The following RTN3 variants were observed in gnomAD, a reference collection of about 807,000 sequenced individuals.
RTN3 encodes reticulon-3.
Under a neutral mutation model 77.8 loss-of-function variants are expected in RTN3, and 49 were observed. The observed-to-expected ratio is 0.63, with a 90% CI of 0.50 to 0.80. The LOEUF (loss-of-function observed/expected upper bound fraction) is 0.80, where lower values mean the gene tolerates loss of function less well. RTN3 is among the 30% of genes least tolerant of loss of function. The pLI is 0.00. For missense variants in RTN3, 1,236 were observed against 1,211.9 expected (o/e 1.02, Z -0.29); for synonymous variants, 464 against 446.9 (o/e 1.04, Z -0.48).
At chr11:63,747,105 A>G (rs1004025642) in intron 3 of RTN3, 19 of 435,530 alleles carry the variant, frequency 4.4e-5, no homozygotes, top group African/African-American at 2.6e-4. Flanking sequence ...ATATTTCTCA[A>G]TCTGGGTTGG....
chr11:63,716,979 C>CAAAA lies in RTN3; in HGVS notation c.200-1710_200-1707dup, dbSNP rs6144367. 2.9e-4 allele frequency among the ~76,000 whole-genome samples: 35 copies of CAAAA among 120,268 alleles called. 1 individual carries two copies. Among genetic ancestry groups the CAAAA allele is most frequent in the Non-Finnish European group, 3.1e-4 (19 of 61,718 alleles). The allele number at this position is 120,268 out of a possible 152,430, so 78.9% of individuals were successfully genotyped here. A position where few individuals can be genotyped will look rare whatever the true frequency, so the allele number is the denominator to read the frequency against. On this transcript the variant is annotated intron_variant, in intron 2 of 8. Transcript: ENST00000377819. ...GCAAGACTCCGTCTCAAAAAAAAAA[C>CAAAA]AAAAAAAAAAAAAAAAGAAAAGAAA...
chr11:63,731,767 C>T (rs1422341824), intron 3 of RTN3, among the ~76,000 whole-genome samples: 1 of 152,190 alleles, frequency 6.6e-6, no homozygotes, highest in Non-Finnish European at 1.5e-5. Context: ...ATTCTCCTGC[C>T]TCAGCCTCCT....
intron 3 of RTN3, among the ~76,000 whole-genome samples, chr11:63,749,783 G>A (rs990227552): frequency 1.3e-5 from 2 of 152,172 alleles, no homozygotes; most frequent in Non-Finnish European, 2.9e-5. Flanking sequence ...GGCTACTCAG[G>A]AAGTGAAGGC....
intron 1 of RTN3, among the ~76,000 whole-genome samples, chr11:63,701,256 A>C (rs1203270861): frequency 6.6e-6 from 1 of 151,956 alleles, no homozygotes; most frequent in Non-Finnish European, 1.5e-5. Context: ...GCTCTTTTCC[A>C]GAATGTCATA....
intron 2 of RTN3, among the ~76,000 whole-genome samples, chr11:63,709,429 G>T (rs1428023117): frequency 2.0e-5 from 3 of 152,018 alleles, no homozygotes; most frequent in Non-Finnish European, 4.4e-5. Flanking sequence ...TTGGAAAGAG[G>T]ATCCATCCAC....
intron 2 of RTN3, among the ~76,000 whole-genome samples, chr11:63,718,180 T>G (rs943433895): frequency 6.6e-6 from 1 of 152,148 alleles, no homozygotes; most frequent in Non-Finnish European, 1.5e-5. Flanking sequence ...TTGCATCTCC[T>G]AAAAATCAAA....
intron 3 of RTN3, among the ~76,000 whole-genome samples, chr11:63,731,544 C>T (rs180922943): frequency 6.6e-6 from 1 of 152,144 alleles, no homozygotes; most frequent in East Asian, 1.9e-4. Flanking sequence ...GAAGAAATCA[C>T]AAGAAAAATA....
intron 3 of RTN3, among the ~76,000 whole-genome samples, chr11:63,727,830 G>C (rs1203597246): frequency 6.6e-6 from 1 of 152,166 alleles, no homozygotes; most frequent in Non-Finnish European, 1.5e-5. Flanking sequence ...GAAAGTGAGA[G>C]AGAGACTGGA....
chr11:63,748,340 G>A (rs1445138437), intron 3 of RTN3, among the ~76,000 whole-genome samples: 1 of 149,534 alleles, frequency 6.7e-6, no homozygotes, highest in Non-Finnish European at 1.5e-5. Flanking sequence ...ATTATTAATA[G>A]TGCCCCACTC....
intron 1 of RTN3, among the ~76,000 whole-genome samples, chr11:63,703,667 C>T (rs1251735477): frequency 4.6e-5 from 7 of 151,488 alleles, no homozygotes; most frequent in Admixed American, 2.0e-4. Flanking sequence ...CTCAGCCTCC[C>T]GAGTAGCTGG....
chr11:63,714,790 G>C (rs2011300063), intron 2 of RTN3, among the ~76,000 whole-genome samples: 1 of 152,058 alleles, frequency 6.6e-6, no homozygotes, highest in Non-Finnish European at 1.5e-5. Context: ...TAAGATACAG[G>C]CATGAGCCAC....
intron 2 of RTN3, among the ~76,000 whole-genome samples, chr11:63,708,725 C>T (rs753199187): frequency 2.6e-5 from 4 of 152,170 alleles, no homozygotes; most frequent in African/African-American, 4.8e-5. Context: ...TCAGTTCCTT[C>T]TTCAATAAGT....
chr11:63,681,855 G>A, intron 1 of RTN3, 77 bp downstream of exon 1: 2 of 1,401,128 alleles, frequency 1.4e-6, no homozygotes, highest in Non-Finnish European at 1.9e-6. Context: ...TAGGAGGCGA[G>A]GCGGGAGGAG....
intron 3 of RTN3, among the ~76,000 whole-genome samples, chr11:63,748,726 G>T (rs1198435080): frequency 1.4e-5 from 2 of 147,196 alleles, no homozygotes; most frequent in African/African-American, 5.1e-5. Flanking sequence ...GGAATGCAAT[G>T]GCGCGATCTC....
chr11:63,690,169 C>CA (rs1244593164), intron 1 of RTN3, among the ~76,000 whole-genome samples: 2 of 152,168 alleles, frequency 1.3e-5, no homozygotes, highest in Non-Finnish European at 2.9e-5. Context: ...ACCTGTTCCT[C>CA]ATTGGTAGCT....
At chr11:63,714,396 A>C (rs924873828) in intron 2 of RTN3, 1 of 163,402 alleles carries the variant, frequency 6.1e-6, no homozygotes, top group African/African-American at 2.4e-5. Context: ...ATATACCCTA[A>C]ATAGTAAGTT....
Position 63,719,625 on chromosome 11 carries a change from C to T in RTN3, c.1123C>T (p.Pro375Ser), listed in dbSNP as rs1484835139. 1 of 1,613,512 alleles carries T rather than the reference C, an allele frequency of 6.2e-7. No homozygotes were observed. The highest frequency in any genetic ancestry group is 1.3e-5 in the African/African-American group (1 of 74,848). ...CATGAGTGAATATAATTCAGAAATTCCAGTTGTAAATCTTAAAACTAGCAC... is the reference window on the plus strand; with the variant it reads ...CATGAGTGAATATAATTCAGAAATTTCAGTTGTAAATCTTAAAACTAGCAC... The part of the protein sequence containing the change: ...LDMSEYNSEI[P>S]VVNLKTSTHQ... Residue 375 changes from proline (P) to serine (S), a missense_variant, in exon 3 of 9, where the codon CCA (proline) becomes TCA (serine). Physicochemically the swap from Pro to Ser is moderately conservative, Grantham distance 74. Coordinates refer to ENST00000377819, the MANE Select transcript of RTN3 (RefSeq NM_001265589.2).
At chr11:63,729,828 C>G (rs1030344801) in intron 3 of RTN3, among the ~76,000 whole-genome samples, 1 of 151,684 alleles carries the variant, frequency 6.6e-6, no homozygotes, top group African/African-American at 2.4e-5. Context: ...CTCGCTCTGT[C>G]ACCCAGGCTG....
intron 3 of RTN3, among the ~76,000 whole-genome samples, chr11:63,724,624 T>C (rs2012102909): frequency 6.6e-6 from 1 of 151,204 alleles, no homozygotes. Context: ...CCCAAGTAGC[T>C]GGGATTACAG....
Sources: gnomAD v4.1 joint callset for allele counts (sites outside exome capture counted in the v4.1 genomes callset) on GRCh38, gnomAD v4.1.1 for gene constraint, MANE v1.5 for transcripts, NCBI Gene and HGNC (gene_info 2026-07-23, HGNC 2026-07-21) for gene names.